The following HSD17B4 variants were observed in gnomAD, a reference collection of about 807,000 sequenced individuals.
HSD17B4 encodes hydroxysteroid 17-beta dehydrogenase 4.
In HSD17B4, 70 loss-of-function variants were observed where a neutral mutation model predicts 101.0. The ratio of observed to expected loss-of-function variants is 0.69; its 90% CI spans 0.57 to 0.85. The LOEUF is 0.85. Ranked by LOEUF, HSD17B4 falls within the 40% of genes least tolerant of loss-of-function variation. HSD17B4 has a pLI of 0.00. For synonymous variants in HSD17B4, 347 were observed against 297.1 expected, an observed-to-expected ratio of 1.17 and a Z score of -1.73; for missense variants, 984 against 892.4, an observed-to-expected ratio of 1.10 and a Z score of -1.31.
intron 2 of HSD17B4, among the ~76,000 whole-genome samples, chr5:119,470,361 A>G (rs1580535736): frequency 6.6e-6 from 1 of 152,220 alleles, no homozygotes. Context: ...ATTGGCCTCC[A>G]GGTCAGAATG....
Position 119,499,120 on chromosome 5 carries a change from A to T in HSD17B4, c.973-197A>T, listed in dbSNP as rs941074309. 3.3e-5 allele frequency among the ~76,000 whole-genome samples: 5 copies of T among 152,208 alleles called. No homozygotes were observed. In the East Asian group the frequency reaches 9.6e-4, roughly 29 times the overall value. The stretch of plus-strand genomic sequence containing the variant: ...GAAGCAAGCAATAAAAAACTTCTTA[A>T]CTGTAAATGAAGTCCTTTTCTACAC... On this transcript the variant is annotated intron_variant, in intron 12 of 23. Coordinates refer to ENST00000510025, the MANE Select transcript of HSD17B4 (RefSeq NM_000414.4).
intron 23 of HSD17B4, among the ~76,000 whole-genome samples, chr5:119,537,272 A>AGTAT (rs1244077124): frequency 6.6e-6 from 1 of 152,184 alleles, no homozygotes; most frequent in Non-Finnish European, 1.5e-5. Context: ...ATTGTAAAGT[A>AGTAT]GTATAGTAGG....
intron 9 of HSD17B4, among the ~76,000 whole-genome samples, chr5:119,489,785 T>C (rs1462184063): frequency 1.3e-5 from 2 of 152,174 alleles, no homozygotes; most frequent in Non-Finnish European, 2.9e-5. Flanking sequence ...GTGTGATAGG[T>C]CAATAAATAT....
At position 119,477,344 on chromosome 5, in the gene HSD17B4, C is replaced by T. The variant is rs934509481; in HGVS notation, c.350-73C>T. 31 of 1,005,440 alleles carry T rather than the reference C, an allele frequency of 3.1e-5. No individual in the cohort carries two copies. The Admixed American group carries it at 5.4e-4, about 18-fold the overall frequency. The allele number at this position is 1,005,440 out of a possible 1,614,324, so 62.3% of individuals were successfully genotyped here. On this transcript the variant is annotated intron_variant, in intron 6 of 23. Coordinates refer to ENST00000510025, the MANE Select transcript of HSD17B4 (RefSeq NM_000414.4). ...AATGAACATCTTTGTATAAATACAA[C>T]ATTGCTTATGTTGATTCTTAGACAT...
intron 8 of HSD17B4, among the ~76,000 whole-genome samples, chr5:119,486,774 A>C (rs1749647388): frequency 6.6e-6 from 1 of 152,158 alleles, no homozygotes; most frequent in Non-Finnish European, 1.5e-5. Flanking sequence ...TAGGATATGT[A>C]CTTCAAAGTA....
At chr5:119,488,345 G>T (rs1251762975) in intron 8 of HSD17B4, among the ~76,000 whole-genome samples, 1 of 152,090 alleles carries the variant, frequency 6.6e-6, no homozygotes, top group Admixed American at 6.6e-5. Context: ...CAGAAAAGGT[G>T]CAGTGGTAAA....
At chr5:119,479,116 A>G in intron 8 of HSD17B4, 95 bp downstream of exon 8, 2 of 943,182 alleles carry the variant, frequency 2.1e-6, no homozygotes, top group Non-Finnish European at 3.3e-6. Flanking sequence ...ATACTTAAAA[A>G]TTATTATTTT....
intron 22 of HSD17B4, among the ~76,000 whole-genome samples, chr5:119,531,691 C>A (rs572352537): frequency 6.6e-6 from 1 of 151,988 alleles, no homozygotes; most frequent in African/African-American, 2.4e-5. Context: ...TTTAAACAGT[C>A]ATCTTGGCTA....
At chr5:119,460,280 C>G (rs1170978073) in intron 2 of HSD17B4, among the ~76,000 whole-genome samples, 1 of 152,202 alleles carries the variant, frequency 6.6e-6, no homozygotes, top group Non-Finnish European at 1.5e-5. Context: ...CACTGATACA[C>G]TCTCCGCAAC....
At chr5:119,508,622 TA>T (rs1751880798) in intron 15 of HSD17B4, among the ~76,000 whole-genome samples, 1 of 152,232 alleles carries the variant, frequency 6.6e-6, no homozygotes, top group Admixed American at 6.5e-5. Context: ...TATTAATTAA[TA>T]AACACTTATT....
At chr5:119,509,864 G>A (rs1431179283) in intron 16 of HSD17B4, among the ~76,000 whole-genome samples, 1 of 152,190 alleles carries the variant, frequency 6.6e-6, no homozygotes, top group East Asian at 1.9e-4. Context: ...TTGTAATAAT[G>A]CAGAATATAA....
chr5:119,503,082 G>A (rs1224666162), intron 14 of HSD17B4, among the ~76,000 whole-genome samples: 1 of 139,410 alleles, frequency 7.2e-6, no homozygotes, highest in Non-Finnish European at 1.6e-5. Context: ...GAAATTGTGT[G>A]TGTGTGTGTG....
chr5:119,509,195 T>C lies in HSD17B4; in HGVS notation c.1388T>C (p.Leu463Pro), dbSNP rs2126814342. 12 of 1,611,440 alleles carry C rather than the reference T, an allele frequency of 7.4e-6. No individual in the cohort carries two copies. Among genetic ancestry groups the C allele is most frequent in the South Asian group, 1.1e-5 (1 of 91,034 alleles). ...LICHNQFSLF[L>P]VGSGGFGGKR... ...TGCCACAATCAGTTCTCTCTCTTTCTTGTTGGCTCTGGAGGCTTTGGTGGA... is the reference window on the plus strand; with the variant it reads ...TGCCACAATCAGTTCTCTCTCTTTCCTGTTGGCTCTGGAGGCTTTGGTGGA... Residue 463 changes from leucine (L) to proline (P), a missense_variant, in exon 16 of 24, where the codon CTT (leucine) becomes CCT (proline). Transcript: ENST00000510025.
chr5:119,509,447 T>C (rs1269446721), intron 16 of HSD17B4: 2 of 686,618 alleles, frequency 2.9e-6, no homozygotes, highest in Non-Finnish European at 5.3e-6. Flanking sequence ...AATGTGAGGA[T>C]GATGAGGATG....
chr5:119,539,678 C>T (rs1040063601), intron 23 of HSD17B4, among the ~76,000 whole-genome samples: 5 of 151,766 alleles, frequency 3.3e-5, no homozygotes, highest in Non-Finnish European at 5.9e-5. Context: ...AAAAATTTTT[C>T]CCAGTATCCA....
In HSD17B4 at chr5:119,475,844, T is replaced by G; in HGVS notation, c.323T>G (p.Phe108Cys). ...NNAGILRDRS[F>C]ARISDEDWDI... Reference sequence around the variant, plus strand: ...TTTAGAATTCTGAGGGATCGTTCCTTTGCTAGGATAAGTGATGAAGACTGG... The same window carrying G: ...TTTAGAATTCTGAGGGATCGTTCCTGTGCTAGGATAAGTGATGAAGACTGG... The change falls in exon 6 of 24, where the codon TTT (phenylalanine) becomes TGT (cysteine). Residue 108 changes from phenylalanine (F) to cysteine (C), a missense_variant. Coordinates refer to ENST00000510025, the MANE Select transcript of HSD17B4 (RefSeq NM_000414.4). The G allele has an allele frequency of 2.5e-6, 4 of 1,600,598 alleles. No homozygotes were observed. Among genetic ancestry groups the G allele is most frequent in the Non-Finnish European group, 3.4e-6 (4 of 1,167,866 alleles).
intron 2 of HSD17B4, among the ~76,000 whole-genome samples, chr5:119,472,039 A>G (rs765003561): frequency 1.3e-5 from 2 of 152,218 alleles, no homozygotes; most frequent in Non-Finnish European, 2.9e-5. Flanking sequence ...GAGATGTTTT[A>G]TGGTAAGTGT....
At chr5:119,504,013 T>A (rs1451111371) in intron 14 of HSD17B4, among the ~76,000 whole-genome samples, 1 of 152,164 alleles carries the variant, frequency 6.6e-6, no homozygotes, top group Non-Finnish European at 1.5e-5. Context: ...CTCCCACTTG[T>A]AAGTGAAAAC....
chr5:119,536,184 G>C (rs1245189838), intron 22 of HSD17B4: 1 of 450,348 alleles, frequency 2.2e-6, no homozygotes, highest in African/African-American at 2.0e-5. Flanking sequence ...ACCATGACCT[G>C]AGCCACTACA....
Sources: gnomAD v4.1 joint callset for allele counts (sites outside exome capture counted in the v4.1 genomes callset) on GRCh38, gnomAD v4.1.1 for gene constraint, MANE v1.5 for transcripts, NCBI Gene and HGNC (gene_info 2026-07-23, HGNC 2026-07-21) for gene names.